Variants in MFHAS1 observed in about 807,000 individuals in gnomAD.
The protein encoded by MFHAS1 is malignant fibrous histiocytoma-amplified sequence 1.
MFHAS1 carries 50 observed loss-of-function variants against 70.4 expected under a neutral mutation model. The observed-to-expected ratio is 0.71, with a 90% CI of 0.57 to 0.90. The LOEUF is 0.90. Among genes scored for constraint, MFHAS1 ranks in the 40% least tolerant of loss-of-function variants. The probability of loss-of-function intolerance (pLI) is 0.00; values close to 1 mark genes in which losing one functional copy is unlikely to be tolerated. For missense variants in MFHAS1, 1,795 were observed against 1,347.6 expected, an observed-to-expected ratio of 1.33 and a Z score of -5.20; for synonymous variants, 952 against 620.0, an observed-to-expected ratio of 1.54 and a Z score of -7.96.
intron 1 of MFHAS1, among the ~76,000 whole-genome samples, chr8:8,832,088 A>ACACACACG (rs1807418191): frequency 6.6e-6 from 1 of 151,566 alleles, no homozygotes; most frequent in African/African-American, 2.4e-5. Flanking sequence ...ACACACACAC[A>ACACACACG]CGCACCAAAG....
intron 1 of MFHAS1, among the ~76,000 whole-genome samples, chr8:8,872,682 G>C (rs1809123121): frequency 6.6e-6 from 1 of 152,122 alleles, no homozygotes; most frequent in Non-Finnish European, 1.5e-5. Flanking sequence ...AGCTCTGGCT[G>C]GCTGCAGTGA....
intron 1 of MFHAS1, among the ~76,000 whole-genome samples, chr8:8,804,433 C>T (rs187535142): frequency 6.6e-6 from 1 of 152,296 alleles, no homozygotes; most frequent in East Asian, 1.9e-4. Flanking sequence ...AAACAACATT[C>T]ATAAACACCC....
intron 1 of MFHAS1, among the ~76,000 whole-genome samples, chr8:8,809,034 C>G (rs1001076123): frequency 3.9e-5 from 6 of 152,086 alleles, no homozygotes; most frequent in African/African-American, 1.4e-4. Flanking sequence ...ATGAGATTCT[C>G]ATAAGAGTGG....
intron 1 of MFHAS1, among the ~76,000 whole-genome samples, chr8:8,855,627 G>A (rs191095123): frequency 2.2e-4 from 33 of 152,232 alleles, no homozygotes; most frequent in East Asian, 9.7e-4. Context: ...AGGCCGAGGC[G>A]GGTGGATTAC....
intron 1 of MFHAS1, among the ~76,000 whole-genome samples, chr8:8,876,542 G>A (rs1809300188): frequency 6.6e-6 from 1 of 151,926 alleles, no homozygotes; most frequent in African/African-American, 2.4e-5. Flanking sequence ...CGAGACCAGT[G>A]TGGCTAACGT....
intron 1 of MFHAS1, among the ~76,000 whole-genome samples, chr8:8,803,984 T>C (rs1328658131): frequency 1.3e-5 from 2 of 151,902 alleles, no homozygotes; most frequent in African/African-American, 4.8e-5. Context: ...AAAACTAAAC[T>C]AAAATAAAAT....
At chr8:8,882,198 T>C (rs184239886) in intron 1 of MFHAS1, among the ~76,000 whole-genome samples, 21 of 151,834 alleles carry the variant, frequency 1.4e-4, no homozygotes, top group African/African-American at 4.1e-4. Context: ...CTCACTAACA[T>C]AGTGAAACCC....
chr8:8,836,313 G>C, intron 1 of MFHAS1, among the ~76,000 whole-genome samples: 1 of 152,122 alleles, frequency 6.6e-6, no homozygotes, highest in Admixed American at 6.5e-5. Flanking sequence ...CTGCTTCTGT[G>C]AGTTGTAATT....
chr8:8,815,333 G>A (rs1806701378), intron 1 of MFHAS1, among the ~76,000 whole-genome samples: 1 of 152,160 alleles, frequency 6.6e-6, no homozygotes, highest in Non-Finnish European at 1.5e-5. Context: ...ACATACACAT[G>A]CATGTATCTT....
At position 8,890,653 on chromosome 8, in the gene MFHAS1, G is replaced by C; in HGVS notation, c.2406C>G (p.Val802=). The change falls in exon 1 of 3, where the codon GTC becomes GTG. Residue 802 remains valine, a synonymous_variant. Transcript: ENST00000276282. ...FLLHGLLPAH[V]IRLLLKPHVQ... ...CATGAGGCTTAAGCAGCAACCGAAT[G>C]ACATGAGCTGGCAAGAGCCCATGCA... is the stretch of plus-strand genomic sequence containing the variant. 6.2e-7 allele frequency: 1 copy of C among 1,613,562 alleles called. No homozygotes were observed. Among genetic ancestry groups the C allele is most frequent in the Non-Finnish European group, 8.5e-7 (1 of 1,179,642 alleles).
Position 8,890,914 on chromosome 8 carries a change from G to C in MFHAS1, c.2145C>G (p.Tyr715Ter). ...SYLHESGKLL[Y>*]FEDSPALKEH... is the part of the protein sequence containing the mutation. Reference sequence around the variant, plus strand: ...CCTTGAGAGCCGGACTGTCCTCAAAGTAGAGTAGCTTGCCGCTCTCATGCA... The same window carrying C: ...CCTTGAGAGCCGGACTGTCCTCAAACTAGAGTAGCTTGCCGCTCTCATGCA... Residue 715 changes from tyrosine (Y) to a stop codon, truncating the protein, a stop_gained, in exon 1 of 3, where the codon TAC becomes TAG. Coordinates refer to ENST00000276282, the MANE Select transcript of MFHAS1 (RefSeq NM_004225.3). LOFTEE classifies it high-confidence loss of function. The C allele has an allele frequency of 6.2e-7, 1 of 1,614,108 alleles. No individual in the cohort carries two copies. Among genetic ancestry groups the C allele is most frequent in the Non-Finnish European group, 8.5e-7 (1 of 1,180,020 alleles).
At chr8:8,820,755 G>T (rs1034376510) in intron 1 of MFHAS1, among the ~76,000 whole-genome samples, 2 of 152,170 alleles carry the variant, frequency 1.3e-5, no homozygotes, top group African/African-American at 4.8e-5. Flanking sequence ...GGTGCCCCGG[G>T]AAAATCTCTA....
At position 8,810,484 on chromosome 8, in the gene MFHAS1, T is replaced by C. The variant is rs532415763; in HGVS notation, c.2999-12993A>G. 7.9e-5 allele frequency among the ~76,000 whole-genome samples: 12 copies of C among 152,334 alleles called. No homozygotes were observed. The South Asian group carries it at 8.3e-4, about 11-fold the overall frequency. On this transcript the variant is annotated intron_variant, in intron 1 of 2. Coordinates refer to ENST00000276282, the MANE Select transcript of MFHAS1 (RefSeq NM_004225.3). ...TTCTGCCACCTCCTGAGAGAGCAAG[T>C]CCAACCCCTCCTCTTCCTCCTCCTC...
At chr8:8,818,998 C>T (rs1806845966) in intron 1 of MFHAS1, among the ~76,000 whole-genome samples, 1 of 152,082 alleles carries the variant, frequency 6.6e-6, no homozygotes, top group African/African-American at 2.4e-5. Flanking sequence ...AATACAATCT[C>T]GAGTCTTTAG....
chr8:8,858,250 T>C (rs1002387899), intron 1 of MFHAS1, among the ~76,000 whole-genome samples: 2 of 152,224 alleles, frequency 1.3e-5, no homozygotes, highest in Non-Finnish European at 2.9e-5. Flanking sequence ...GGCATTTTTA[T>C]ATGCATTATT....
Position 8,785,732 on chromosome 8 carries a change from T to G in MFHAS1, c.*290A>C. 2.2e-5 allele frequency: 8 copies of G among 371,206 alleles called. No individual in the cohort carries two copies. Among genetic ancestry groups the G allele is most frequent in the Admixed American group, 4.7e-5 (1 of 21,432 alleles). 23.0% of individuals were successfully genotyped at this position (371,206 alleles called of 1,614,324 possible). The stretch of plus-strand genomic sequence containing the variant: ...GGAAAACAAAATCCCTGAGAAGCCA[T>G]TCGACTTTTTTTTTTTTTTTTTCTT... On this transcript the variant is annotated 3_prime_UTR_variant, in exon 3 of 3. Coordinates refer to ENST00000276282, the MANE Select transcript of MFHAS1 (RefSeq NM_004225.3).
At chr8:8,869,073 A>G (rs73524009) in intron 1 of MFHAS1, among the ~76,000 whole-genome samples, 2,428 of 152,260 alleles carry the variant, frequency 0.016, 56 homozygotes, top group African/African-American at 0.055. Flanking sequence ...AGGAGGAGGA[A>G]GGCAAAAAGA....
At chr8:8,822,904 T>C (rs900866758) in intron 1 of MFHAS1, among the ~76,000 whole-genome samples, 3 of 152,048 alleles carry the variant, frequency 2.0e-5, no homozygotes, top group Non-Finnish European at 4.4e-5. Context: ...GAGAAGGGGT[T>C]GGAATGACTG....
At chr8:8,883,977 C>T (rs577528797) in intron 1 of MFHAS1, among the ~76,000 whole-genome samples, 12 of 148,368 alleles carry the variant, frequency 8.1e-5, no homozygotes, top group African/African-American at 3.0e-4. Flanking sequence ...TGGGGAGGAC[C>T]ATTTGAGGCC....
Sources: allele counts gnomAD v4.1 joint callset (sites outside exome capture counted in the v4.1 genomes callset), GRCh38; gene constraint gnomAD v4.1.1; transcripts MANE v1.5; gene names NCBI Gene and HGNC (gene_info 2026-07-23, HGNC 2026-07-21).